The following THSD4 variants were observed in gnomAD, a reference collection of about 807,000 sequenced individuals.
The protein encoded by THSD4 is thrombospondin type 1 domain containing 4, also known as thrombospondin type-1 domain-containing protein 4.
Under a neutral mutation model 119.0 loss-of-function variants are expected in THSD4, and 69 were observed. That is an observed-to-expected ratio of 0.58 (90% CI 0.48 to 0.71). The LOEUF (loss-of-function observed/expected upper bound fraction) is 0.71. Among genes scored for constraint, THSD4 ranks in the 30% least tolerant of loss-of-function variants. THSD4 has a pLI of 0.00. For missense variants in THSD4, 1,393 were observed against 1,391.1 expected (o/e 1.00, Z -0.02); for synonymous variants, 524 against 540.4 (o/e 0.97, Z 0.42).
At chr15:71,598,422 G>A (rs2049945613) in intron 7 of THSD4, among the ~76,000 whole-genome samples, 1 of 152,146 alleles carries the variant, frequency 6.6e-6, no homozygotes, top group South Asian at 2.1e-4. Flanking sequence ...AGGCCAGGAG[G>A]TATACGTGAT....
At chr15:71,674,350 G>A (rs186942377) in intron 8 of THSD4, among the ~76,000 whole-genome samples, 111 of 152,180 alleles carry the variant, frequency 7.3e-4, no homozygotes, top group Middle Eastern at 3.4e-3. Context: ...TCTGAGATTC[G>A]GTTTCCCCAT....
At chr15:71,679,367 C>T (rs1367459845) in intron 8 of THSD4, among the ~76,000 whole-genome samples, 1 of 152,286 alleles carries the variant, frequency 6.6e-6, no homozygotes, top group African/African-American at 2.4e-5. Flanking sequence ...CATTTGGCCT[C>T]TGTTACAGCT....
intron 14 of THSD4, among the ~76,000 whole-genome samples, chr15:71,750,154 G>C (rs1007515663): frequency 6.6e-6 from 1 of 152,162 alleles, no homozygotes; most frequent in Non-Finnish European, 1.5e-5. Context: ...TAGGAGACAC[G>C]ATGCAGCCCA....
At chr15:71,209,236 T>C (rs35819327) in intron 3 of THSD4, among the ~76,000 whole-genome samples, 9,651 of 152,282 alleles carry the variant, frequency 0.063, 406 homozygotes, top group Middle Eastern at 0.092. Context: ...CTGGGGGACA[T>C]GTTAGATGCC....
chr15:71,699,515 T>C (rs2052241691), intron 8 of THSD4, among the ~76,000 whole-genome samples: 1 of 152,190 alleles, frequency 6.6e-6, no homozygotes, highest in Non-Finnish European at 1.5e-5. Flanking sequence ...TTCTCTGCAT[T>C]AGACATTTCA....
At chr15:71,653,808 C>A (rs1202599119) in intron 7 of THSD4, among the ~76,000 whole-genome samples, 1 of 152,170 alleles carries the variant, frequency 6.6e-6, no homozygotes, top group Non-Finnish European at 1.5e-5. Context: ...AGACAACTCT[C>A]TGCCTTCTGT....
intron 7 of THSD4, among the ~76,000 whole-genome samples, chr15:71,585,611 C>A (rs1047058760): frequency 6.6e-6 from 1 of 152,202 alleles, no homozygotes; most frequent in African/African-American, 2.4e-5. Flanking sequence ...GACCTGGATG[C>A]TGAATATCCT....
At chr15:71,713,829 C>A (rs1043281246) in intron 8 of THSD4, among the ~76,000 whole-genome samples, 31 of 152,164 alleles carry the variant, frequency 2.0e-4, no homozygotes, top group African/African-American at 7.5e-4. Context: ...GATGTTTTAA[C>A]AGGCCTAACT....
intron 7 of THSD4, among the ~76,000 whole-genome samples, chr15:71,550,740 A>G (rs1385321264): frequency 1.3e-5 from 2 of 152,128 alleles, no homozygotes; most frequent in Non-Finnish European, 2.9e-5. Flanking sequence ...TTTAATTTTG[A>G]CGGTACAGTA....
At chr15:71,176,204 A>T (rs2043449326) in intron 3 of THSD4, among the ~76,000 whole-genome samples, 1 of 129,706 alleles carries the variant, frequency 7.7e-6, no homozygotes, top group African/African-American at 3.0e-5. Context: ...AGTTGGATAA[A>T]GAGTCAAGAC....
At chr15:71,686,001 G>T (rs1475823069) in intron 8 of THSD4, among the ~76,000 whole-genome samples, 1 of 152,122 alleles carries the variant, frequency 6.6e-6, no homozygotes, top group African/African-American at 2.4e-5. Context: ...TTACAGAAGA[G>T]TTGCAGAGAG....
At chr15:71,587,157 AC>A (rs1360276526) in intron 7 of THSD4, among the ~76,000 whole-genome samples, 2 of 138,736 alleles carry the variant, frequency 1.4e-5, no homozygotes, top group African/African-American at 5.3e-5. Flanking sequence ...AAATAGGAAC[AC>A]TTTTACACTG....
intron 4 of THSD4, among the ~76,000 whole-genome samples, chr15:71,224,321 A>T (rs1458260855): frequency 6.6e-6 from 1 of 152,224 alleles, no homozygotes; most frequent in Non-Finnish European, 1.5e-5. Flanking sequence ...GGGACTGAAC[A>T]AGAAATTCTT....
intron 7 of THSD4, among the ~76,000 whole-genome samples, chr15:71,656,571 C>T (rs765567795): frequency 6.6e-6 from 1 of 152,188 alleles, no homozygotes; most frequent in African/African-American, 2.4e-5. Context: ...TTCATGGTAA[C>T]TATGCTTTGA....
chr15:71,627,379 C>T (rs1282312864), intron 7 of THSD4, among the ~76,000 whole-genome samples: 3 of 152,154 alleles, frequency 2.0e-5, no homozygotes, highest in African/African-American at 7.2e-5. Context: ...TGACTTGAGC[C>T]CCAGGCATCA....
chr15:71,668,938 G>T (rs1042112941), intron 8 of THSD4, among the ~76,000 whole-genome samples: 3 of 152,102 alleles, frequency 2.0e-5, no homozygotes, highest in Non-Finnish European at 4.4e-5. Flanking sequence ...AAACTTAAAG[G>T]TTCTCTAACA....
chr15:71,277,467 T>C (rs2044606431), intron 6 of THSD4, among the ~76,000 whole-genome samples: 1 of 152,186 alleles, frequency 6.6e-6, no homozygotes. Flanking sequence ...GCCTTCAGCC[T>C]AAACAGTGGC....
chr15:71,475,149 A>C (rs758915012), intron 7 of THSD4, among the ~76,000 whole-genome samples: 5 of 152,172 alleles, frequency 3.3e-5, no homozygotes, highest in Non-Finnish European at 7.3e-5. Context: ...CTTTACTAAT[A>C]ATCCCTTTAC....
rs527441444 is a variant in THSD4, at chr15:71,697,449, C to T, written c.1358-31100C>T. On this transcript the variant is annotated intron_variant, in intron 8 of 17. Coordinates refer to ENST00000261862, the MANE Select transcript of THSD4 (RefSeq NM_024817.3). Reference sequence around the variant, plus strand: ...CTCAGGGGAAGTAGGTGCATAGGCACATCGACATAGACACACACCTGTCTC... The same window carrying T: ...CTCAGGGGAAGTAGGTGCATAGGCATATCGACATAGACACACACCTGTCTC... Among the ~76,000 whole-genome samples, 6 of 152,314 alleles carry T rather than the reference C, an allele frequency of 3.9e-5. No homozygotes were observed. In the South Asian group the frequency reaches 1.2e-3, roughly 32 times the overall value.
Sources: allele counts gnomAD v4.1 joint callset (sites outside exome capture counted in the v4.1 genomes callset), GRCh38; gene constraint gnomAD v4.1.1; transcripts MANE v1.5; gene names NCBI Gene and HGNC (gene_info 2026-07-23, HGNC 2026-07-21).